SP6: variants seen among roughly 807,000 people sequenced by gnomAD.
The protein encoded by SP6 is Sp6 transcription factor, also known as transcription factor Sp6.
SP6 carries 10 observed loss-of-function variants against 23.4 expected under a neutral mutation model. That is an observed-to-expected ratio of 0.43 (90% CI 0.26 to 0.72). SP6 has a LOEUF of 0.72. SP6 is among the 30% of genes least tolerant of loss of function. The pLI, the probability that SP6 is intolerant of heterozygous loss-of-function variation, is 0.23. For synonymous variants in SP6, 238 were observed against 238.7 expected (o/e 1.00, Z 0.03); for missense variants, 482 against 523.8 (o/e 0.92, Z 0.78).
the SP6 span, among the ~76,000 whole-genome samples, chr17:47,865,874 C>G: frequency 6.6e-6 from 1 of 152,160 alleles, no homozygotes; most frequent in Non-Finnish European, 1.5e-5. Flanking sequence ...GAAAAACTTC[C>G]AGGGGACCTC....
chr17:47,845,865 T>C lies in SP6; in HGVS notation c.*1434A>G, dbSNP rs1439561450. 6.6e-6 allele frequency: 1 copy of C among 151,988 alleles called. No homozygotes were observed. Among genetic ancestry groups the C allele is most frequent in the Non-Finnish European group, 1.5e-5 (1 of 68,002 alleles). The allele number at this position is 151,988 out of a possible 1,614,324, so 9.4% of individuals were successfully genotyped here. A position where few individuals can be genotyped will look rare whatever the true frequency, so the allele number is the denominator to read the frequency against. On this transcript the variant is annotated 3_prime_UTR_variant, in exon 2 of 2. Coordinates refer to ENST00000536300, the MANE Select transcript of SP6 (RefSeq NM_001258248.2). The stretch of plus-strand genomic sequence containing the variant: ...GGGACTGTAAGGCCCCTCTCTTGAG[T>C]GTGGGAAAGCCCTCCGGCTGCAAGG...
At chr17:47,865,693 C>T in the SP6 span, among the ~76,000 whole-genome samples, 1 of 152,116 alleles carries the variant, frequency 6.6e-6, no homozygotes, top group Non-Finnish European at 1.5e-5. Flanking sequence ...TTTGTTAGCA[C>T]CTTTATGACA....
At chr17:47,871,136 T>C in the SP6 span, among the ~76,000 whole-genome samples, 13 of 152,308 alleles carry the variant, frequency 8.5e-5, no homozygotes, top group African/African-American at 3.1e-4. Flanking sequence ...CCATAAATGT[T>C]TACTGGATGA....
At position 47,848,368 on chromosome 17, in the gene SP6, G is replaced by A. The variant is rs560368067; in HGVS notation, c.62C>T (p.Pro21Leu). Reference protein sequence around the residue: ...SQHTEAPHASPPRLDLQPLQT... With the variant: ...SQHTEAPHASLPRLDLQPLQT... Reference sequence around the variant, plus strand: ...GAGAGGCTGCAGGTCGAGGCGCGGCGGGGAGGCGTGCGGCGCTTCCGTGTG... The same window carrying A: ...GAGAGGCTGCAGGTCGAGGCGCGGCAGGGAGGCGTGCGGCGCTTCCGTGTG... Residue 21 changes from proline (P) to leucine (L), a missense_variant, in exon 2 of 2, where the codon CCG becomes CTG. Physicochemically the swap from Pro to Leu is moderately conservative, Grantham distance 98. This residue lies in a region of SP6 where 330 missense variants were observed against 332.3 expected (regional missense o/e 0.99). Coordinates refer to ENST00000536300, the MANE Select transcript of SP6 (RefSeq NM_001258248.2). The surrounding 1 kb of genome is among the most constrained non-coding windows in gnomAD (Gnocchi z 5.3). 5.1e-6 allele frequency: 8 copies of A among 1,582,046 alleles called. No individual in the cohort carries two copies. The African/African-American group carries it at 9.5e-5, about 19-fold the overall frequency.
chr17:47,859,906 G>A (rs1456113672), upstream of SP6, among the ~76,000 whole-genome samples: 1 of 152,164 alleles, frequency 6.6e-6, no homozygotes, highest in Non-Finnish European at 1.5e-5. Flanking sequence ...GGCTGGCTGG[G>A]TGTCAGTCAC....
At chr17:47,855,711 G>C (rs1011110247), upstream of SP6, 1 of 152,888 alleles carries the variant, frequency 6.5e-6, no homozygotes, top group Non-Finnish European at 1.5e-5. Context: ...GGTGATAAAA[G>C]AGCCAGGCTT....
At chr17:47,862,072 G>T in the SP6 span, among the ~76,000 whole-genome samples, 1 of 151,246 alleles carries the variant, frequency 6.6e-6, no homozygotes, top group African/African-American at 2.4e-5. Flanking sequence ...GCCTGGCATG[G>T]TGGTGGCTCA....
the SP6 span, among the ~76,000 whole-genome samples, chr17:47,861,468 T>G: frequency 1.3e-5 from 2 of 152,188 alleles, no homozygotes; most frequent in African/African-American, 4.8e-5. Context: ...CGCAGTGGCT[T>G]ATGCCTGTAA....
In SP6 at chr17:47,847,067, A is replaced by C; in HGVS notation, c.*232T>G. On this transcript the variant is annotated 3_prime_UTR_variant, in exon 2 of 2. Coordinates refer to ENST00000536300, the MANE Select transcript of SP6 (RefSeq NM_001258248.2). ...CGAGGGAAACTGTGAGGCAGGGGAG[A>C]ACAGAGGGGCATTGCGCAGCTCCTA... The C allele has an allele frequency of 1.8e-6, 1 of 552,602 alleles. No individual in the cohort carries two copies. 34.2% of individuals were successfully genotyped at this position (552,602 alleles called of 1,614,324 possible).
chr17:47,873,854 C>T, the SP6 span, among the ~76,000 whole-genome samples: 4 of 143,276 alleles, frequency 2.8e-5, no homozygotes, highest in South Asian at 2.4e-4. Flanking sequence ...TTTCCTCCTC[C>T]TCCTCCTCTT....
upstream of SP6, among the ~76,000 whole-genome samples, chr17:47,852,992 A>G (rs936223006): frequency 2.6e-5 from 4 of 152,222 alleles, no homozygotes; most frequent in African/African-American, 7.2e-5. Context: ...ATGCACAAAG[A>G]CCTGTGGACT....
chr17:47,861,206 G>C, the SP6 span, among the ~76,000 whole-genome samples: 14 of 152,094 alleles, frequency 9.2e-5, no homozygotes, highest in African/African-American at 2.9e-4. Context: ...AGGTGCTGGC[G>C]AGCCTGGTGT....
In SP6 at chr17:47,847,939, G is replaced by C; in HGVS notation, c.491C>G (p.Pro164Arg). The C allele has an allele frequency of 6.4e-7, 1 of 1,568,796 alleles. No individual in the cohort carries two copies. Among genetic ancestry groups the C allele is most frequent in the South Asian group, 1.2e-5 (1 of 86,342 alleles). ...GYVGDHQLCA[P>R]PPHPHAHHLL... ...GTGGTGCGCATGCGGGTGGGGTGGC[G>C]GGGCACAAAGCTGGTGGTCTCCGAC... Residue 164 changes from proline (P) to arginine (R), a missense_variant, in exon 2 of 2, where the codon CCG becomes CGG. Coordinates refer to ENST00000536300, the MANE Select transcript of SP6 (RefSeq NM_001258248.2).
At chr17:47,855,074 A>G (rs191354293), upstream of SP6, among the ~76,000 whole-genome samples, 16 of 152,332 alleles carry the variant, frequency 1.1e-4, no homozygotes, top group Admixed American at 4.6e-4. Context: ...GGGTCTACTT[A>G]AGGCCAAGCA....
chr17:47,848,447 G>T lies in SP6; in HGVS notation c.-18C>A. 1 of 1,489,592 alleles carries T rather than the reference G, an allele frequency of 6.7e-7. No homozygotes were observed. The highest frequency in any genetic ancestry group is 9.0e-7 in the Non-Finnish European group (1 of 1,116,268). 92.3% of individuals were successfully genotyped at this position (1,489,592 alleles called of 1,614,324 possible). A position where few individuals can be genotyped will look rare whatever the true frequency, so the allele number is the denominator to read the frequency against. ...GTTAGCATTGCCGGGATCCGGGGTG[G>T]GGTGAGGGCAGGGACGGTCAGGGGC... On this transcript the variant is annotated 5_prime_UTR_variant, in exon 2 of 2. Transcript: ENST00000536300. The surrounding 1 kb of genome is among the most constrained non-coding windows in gnomAD (Gnocchi z 5.3).
chr17:47,864,498 G>A, the SP6 span: 61,576 of 151,000 alleles, frequency 0.41, 13,154 homozygotes, highest in Middle Eastern at 0.48. Context: ...CAAACTCCTG[G>A]CTTCAAGTGA....
At chr17:47,860,454 A>G (rs1472049996), upstream of SP6, among the ~76,000 whole-genome samples, 2 of 152,230 alleles carry the variant, frequency 1.3e-5, no homozygotes, top group African/African-American at 4.8e-5. Flanking sequence ...CTCCCCCAGC[A>G]TCTTATACAG....
rs748924737 is a variant in SP6, at chr17:47,847,264, C to G, written c.*35G>C. ...ACCTGGGGGCTCGCATCCAGTGCCC[C>G]CCGGGATACCCGCAGGGAGGCGGCA... On this transcript the variant is annotated 3_prime_UTR_variant, in exon 2 of 2. Coordinates refer to ENST00000536300, the MANE Select transcript of SP6 (RefSeq NM_001258248.2). 1 of 1,472,624 alleles carries G rather than the reference C, an allele frequency of 6.8e-7. No homozygotes were observed. The allele number at this position is 1,472,624 out of a possible 1,614,324, so 91.2% of individuals were successfully genotyped here.
chr17:47,848,082 C>T lies in SP6; in HGVS notation c.348G>A (p.Glu116=), dbSNP rs746667709. ...SWFRPTHPGA[E]DGSWWDLHPG... ...GATGAAGGTCCCACCACGAGCCATC[C>T]TCCGCGCCTGGGTGAGTCGGCCTGA... The change falls in exon 2 of 2, where the codon GAG becomes GAA. Residue 116 remains glutamate, a synonymous_variant. Coordinates refer to ENST00000536300, the MANE Select transcript of SP6 (RefSeq NM_001258248.2). The surrounding 1 kb of genome is among the most constrained non-coding windows in gnomAD (Gnocchi z 5.3). 8 of 1,613,502 alleles carry T rather than the reference C, an allele frequency of 5.0e-6. No individual in the cohort carries two copies. In the South Asian group the frequency reaches 7.7e-5, roughly 16 times the overall value.
Sources: gnomAD v4.1 joint callset for allele counts (sites outside exome capture counted in the v4.1 genomes callset) on GRCh38, gnomAD v4.1.1 for gene constraint, gnomAD v4.1.1 regional missense constraint, Gnocchi (gnomAD v3.1) non-coding constraint, MANE v1.5 for transcripts, NCBI Gene and HGNC (gene_info 2026-07-23, HGNC 2026-07-21) for gene names.